SP4: variants seen among roughly 807,000 people sequenced by gnomAD.
The protein encoded by SP4 is Sp4 transcription factor.
SP4 carries 19 observed loss-of-function variants against 72.8 expected under a neutral mutation model. The ratio of observed to expected loss-of-function variants is 0.26; its 90% CI spans 0.18 to 0.38. SP4 has a LOEUF of 0.38. SP4 is among the 10% of genes least tolerant of loss of function. The pLI is 1.00. For synonymous variants in SP4, 395 were observed against 333.1 expected (o/e 1.19, Z -2.02); for missense variants, 1,008 against 926.3 (o/e 1.09, Z -1.14).
At chr7:21,459,984 A>T (rs1244371601) in intron 3 of SP4, among the ~76,000 whole-genome samples, 1 of 152,214 alleles carries the variant, frequency 6.6e-6, no homozygotes, top group Non-Finnish European at 1.5e-5. Flanking sequence ...AAGAGAGATG[A>T]ATGGTAAAAG....
intron 4 of SP4, among the ~76,000 whole-genome samples, chr7:21,477,974 A>G (rs578146035): frequency 3.3e-5 from 5 of 152,274 alleles, no homozygotes; most frequent in Admixed American, 6.5e-5. Flanking sequence ...AGACATGACT[A>G]CAATCAATTT....
Position 21,479,067 on chromosome 7 carries a change from C to CA in SP4, c.1907+1773dup, listed in dbSNP as rs558714093. The stretch of plus-strand genomic sequence containing the variant: ...TGGGTGAAAGAGCGAAACTCCATCT[C>CA]AAAAAAAAAAAAAGAAAGAAAAAAG... On this transcript the variant is annotated intron_variant, in intron 4 of 5. Transcript: ENST00000222584. Among the ~76,000 whole-genome samples, 528 of 113,064 alleles carry CA rather than the reference C, an allele frequency of 4.7e-3. 2 individuals carry two copies. The highest frequency in any genetic ancestry group is 0.014 in the African/African-American group (424 of 29,986). 74.2% of individuals were successfully genotyped at this position (113,064 alleles called of 152,430 possible).
chr7:21,433,650 C>CTG (rs144597722), intron 3 of SP4, among the ~76,000 whole-genome samples: 6,917 of 152,240 alleles, frequency 0.045, 303 homozygotes, highest in African/African-American at 0.11. Context: ...TTGTAAGACA[C>CTG]TAAGAGTGGG....
At chr7:21,498,805 G>A (rs1781788906) in intron 5 of SP4, among the ~76,000 whole-genome samples, 1 of 152,134 alleles carries the variant, frequency 6.6e-6, no homozygotes, top group Admixed American at 6.5e-5. Context: ...AAATCGTTAG[G>A]CCGGGTGCGG....
chr7:21,512,114 T>G lies in SP4; in HGVS notation c.*845T>G, dbSNP rs1385931361. On this transcript the variant is annotated 3_prime_UTR_variant, in exon 6 of 6. Coordinates refer to ENST00000222584, the MANE Select transcript of SP4 (RefSeq NM_003112.5). ...CCTAACCCTAGGTTGAACCACAAAA[T>G]TTCATTTAAAATGTTTATATTTGGA... 1.3e-5 allele frequency: 2 copies of G among 152,594 alleles called. No homozygotes were observed. The highest frequency in any genetic ancestry group is 3.8e-4 in the East Asian group (2 of 5,196). 9.5% of individuals were successfully genotyped at this position (152,594 alleles called of 1,614,324 possible). A position where few individuals can be genotyped will look rare whatever the true frequency, so the allele number is the denominator to read the frequency against.
chr7:21,457,921 G>A (rs1047818204), intron 3 of SP4, among the ~76,000 whole-genome samples: 13 of 152,128 alleles, frequency 8.5e-5, no homozygotes, highest in Admixed American at 2.6e-4. Flanking sequence ...TACAATTAAT[G>A]TATTTCTAAA....
chr7:21,496,411 A>T (rs940909332), intron 5 of SP4, among the ~76,000 whole-genome samples: 1 of 152,186 alleles, frequency 6.6e-6, no homozygotes, highest in African/African-American at 2.4e-5. Context: ...CACTTCTGTT[A>T]ACTCTGCCAA....
chr7:21,429,919 C>T lies in SP4; in HGVS notation c.754C>T (p.Gln252Ter), dbSNP rs769243352. ...QLQTLPGTQA[Q>*]VVTTLPINIG... ...ACAGACTCTTCCTGGTACTCAGGCT[C>T]AAGTTGTAACAACCCTACCAATTAA... Residue 252 changes from glutamine (Q) to a stop codon, truncating the protein, a stop_gained, in exon 3 of 6, where the codon CAA becomes TAA. Coordinates refer to ENST00000222584, the MANE Select transcript of SP4 (RefSeq NM_003112.5). LOFTEE classifies it high-confidence loss of function. 1 of 1,614,192 alleles carries T rather than the reference C, an allele frequency of 6.2e-7. No homozygotes were observed. Among genetic ancestry groups the T allele is most frequent in the Non-Finnish European group, 8.5e-7 (1 of 1,180,020 alleles).
intron 5 of SP4, among the ~76,000 whole-genome samples, chr7:21,498,272 A>G (rs1190570985): frequency 6.6e-6 from 1 of 152,220 alleles, no homozygotes; most frequent in Non-Finnish European, 1.5e-5. Context: ...GATTTAAAGT[A>G]TATGGGAGGA....
intron 3 of SP4, among the ~76,000 whole-genome samples, chr7:21,470,349 A>T (rs1784296546): frequency 6.6e-6 from 1 of 152,164 alleles, no homozygotes; most frequent in Non-Finnish European, 1.5e-5. Flanking sequence ...ATTATGATGG[A>T]GTGAGATGGT....
At chr7:21,470,277 TAAA>T (rs1017656124) in intron 3 of SP4, among the ~76,000 whole-genome samples, 1 of 152,344 alleles carries the variant, frequency 6.6e-6, no homozygotes, top group African/African-American at 2.4e-5. Context: ...ACAAATGACA[TAAA>T]AACCACACAG....
At chr7:21,436,536 T>C (rs371983197) in intron 3 of SP4, among the ~76,000 whole-genome samples, 11 of 152,306 alleles carry the variant, frequency 7.2e-5, no homozygotes, top group South Asian at 2.1e-4. Flanking sequence ...AGCAGAAATA[T>C]GGGTCGAAGA....
chr7:21,488,351 A>G (rs1784878713), intron 5 of SP4, among the ~76,000 whole-genome samples: 1 of 151,840 alleles, frequency 6.6e-6, no homozygotes, highest in African/African-American at 2.4e-5. Context: ...ATTTTGTTTT[A>G]TGTTCCATGT....
At chr7:21,474,312 G>A (rs1028666110) in intron 3 of SP4, among the ~76,000 whole-genome samples, 2 of 152,122 alleles carry the variant, frequency 1.3e-5, no homozygotes, top group African/African-American at 2.4e-5. Context: ...AGAGAATCAC[G>A]GCCAAAAATA....
chr7:21,432,442 G>A (rs1383918087), intron 3 of SP4, among the ~76,000 whole-genome samples: 2 of 152,170 alleles, frequency 1.3e-5, no homozygotes, highest in African/African-American at 4.8e-5. Context: ...TTAGTGAGTT[G>A]TGATTAATTA....
intron 3 of SP4, chr7:21,471,244 C>G (rs967935427): frequency 2.6e-6 from 1 of 378,642 alleles, no homozygotes; most frequent in East Asian, 7.8e-5. Flanking sequence ...TATGGAGGGC[C>G]CATTGGCTTT....
chr7:21,503,493 G>C, intron 5 of SP4, among the ~76,000 whole-genome samples: 1 of 152,176 alleles, frequency 6.6e-6, no homozygotes, highest in East Asian at 1.9e-4. Flanking sequence ...ATGCCAAGGG[G>C]TGAGATAATC....
At chr7:21,433,962 A>G (rs1409467531) in intron 3 of SP4, among the ~76,000 whole-genome samples, 4 of 152,136 alleles carry the variant, frequency 2.6e-5, no homozygotes, top group African/African-American at 7.2e-5. Context: ...AAGAAAGAAA[A>G]AAAAGACACA....
chr7:21,441,604 C>T (rs561049067), intron 3 of SP4, among the ~76,000 whole-genome samples: 2 of 152,164 alleles, frequency 1.3e-5, no homozygotes, highest in South Asian at 4.1e-4. Flanking sequence ...GAGAGTGTTT[C>T]TTTGTAGATA....
Sources: allele counts gnomAD v4.1 joint callset (sites outside exome capture counted in the v4.1 genomes callset), GRCh38; gene constraint gnomAD v4.1.1; transcripts MANE v1.5; gene names NCBI Gene and HGNC (gene_info 2026-07-23, HGNC 2026-07-21).